CPSF3: variants seen among roughly 807,000 people sequenced by gnomAD.
CPSF3 encodes cleavage and polyadenylation specific factor 3, also known as cleavage and polyadenylation specificity factor subunit 3.
In CPSF3, 57 loss-of-function variants were observed where a neutral mutation model predicts 84.1. The observed-to-expected ratio is 0.68, with a 90% confidence interval of 0.55 to 0.85. The LOEUF is 0.85. Among genes scored for constraint, CPSF3 ranks in the 40% least tolerant of loss-of-function variants. The pLI, the probability that CPSF3 is intolerant of heterozygous loss-of-function variation, is 0.00. For synonymous variants in CPSF3, 275 were observed against 278.1 expected, an observed-to-expected ratio of 0.99 and a Z score of 0.11; for missense variants, 522 against 838.8, an observed-to-expected ratio of 0.62 and a Z score of 4.66.
At chr2:9,442,671 C>G (rs188429467) in intron 9 of CPSF3, among the ~76,000 whole-genome samples, 1 of 151,662 alleles carries the variant, frequency 6.6e-6, no homozygotes, top group African/African-American at 2.4e-5. Context: ...GCCAACATGG[C>G]GAAACCCCGT....
At chr2:9,425,061 AAAG>A (rs1446291806) in intron 1 of CPSF3, 1 of 152,358 alleles carries the variant, frequency 6.6e-6, no homozygotes, top group African/African-American at 2.4e-5. Flanking sequence ...ATTGAGGAAA[AAAG>A]GATACCTCGT....
intron 6 of CPSF3, among the ~76,000 whole-genome samples, 194 bp from the exon 7 acceptor site, chr2:9,436,017 G>A (rs903636208): frequency 6.6e-6 from 1 of 152,220 alleles, no homozygotes; most frequent in Non-Finnish European, 1.5e-5. Context: ...ACAGGTGTGA[G>A]CCACCACGCT....
intron 10 of CPSF3, 54 bp downstream of exon 10, chr2:9,443,715 G>A (rs1681030707): frequency 1.3e-6 from 2 of 1,589,028 alleles, no homozygotes; most frequent in African/African-American, 1.3e-5. Flanking sequence ...TGCATACCCA[G>A]GAAACTGTGC....
chr2:9,462,045 C>T (rs1681744001), intron 15 of CPSF3, among the ~76,000 whole-genome samples: 1 of 152,110 alleles, frequency 6.6e-6, no homozygotes, highest in Non-Finnish European at 1.5e-5. Flanking sequence ...CAGGCTTCAG[C>T]CACCGTGCCG....
chr2:9,468,419 C>A (rs915143294), intron 16 of CPSF3, among the ~76,000 whole-genome samples: 8 of 151,908 alleles, frequency 5.3e-5, no homozygotes, highest in African/African-American at 1.9e-4. Context: ...GAGACAGGGA[C>A]TTCCTATGTT....
rs1016974410 is a variant in CPSF3 at position 9,444,109 on chromosome 2, C to T, written c.1242+448C>T. Among the ~76,000 whole-genome samples the T allele has an allele frequency of 1.3e-5, 2 of 148,458 alleles. 1 individual carries two copies. Among genetic ancestry groups the T allele is most frequent in the African/African-American group, 4.9e-5 (2 of 40,544 alleles). Reference sequence around the variant, plus strand: ...CATATCTAAAGCACTTAATATGGTGCCTGGCACATAGTAAATGCTTAATAT... The same window carrying T: ...CATATCTAAAGCACTTAATATGGTGTCTGGCACATAGTAAATGCTTAATAT... On this transcript the variant is annotated intron_variant, in intron 10 of 17. Coordinates refer to ENST00000238112, the MANE Select transcript of CPSF3 (RefSeq NM_016207.4).
In CPSF3 at chr2:9,425,206, G is replaced by C. The variant is rs187159196; in HGVS notation, c.50+1383G>C. On this transcript the variant is annotated intron_variant, in intron 1 of 17. Transcript: ENST00000238112. ...TGAGAGTGGTCACAGCTTGTGGCCAGATTCCTCATGGCTGTAGCTAAAGAG... is the reference window on the plus strand; with the variant it reads ...TGAGAGTGGTCACAGCTTGTGGCCACATTCCTCATGGCTGTAGCTAAAGAG... Among the ~76,000 whole-genome samples the C allele has an allele frequency of 2.2e-3, 337 of 152,330 alleles. 2 individuals carry two copies. The highest frequency in any genetic ancestry group is 7.5e-3 in the African/African-American group (313 of 41,566).
At chr2:9,433,019 C>T (rs114217318) in intron 5 of CPSF3, among the ~76,000 whole-genome samples, 1,683 of 152,284 alleles carry the variant, frequency 0.011, 22 homozygotes, top group Middle Eastern at 0.017. Flanking sequence ...TGGCTGCATT[C>T]GTTTAAAATT....
intron 7 of CPSF3, 138 bp from the exon 8 acceptor site, chr2:9,440,353 A>T: frequency 1.3e-6 from 1 of 750,988 alleles, no homozygotes; most frequent in South Asian, 2.5e-5. Context: ...AATTTTGCTT[A>T]AACTCTTTAA....
intron 15 of CPSF3, among the ~76,000 whole-genome samples, chr2:9,466,923 G>A (rs567654942): frequency 5.3e-5 from 8 of 152,150 alleles, no homozygotes; most frequent in African/African-American, 9.7e-5. Flanking sequence ...TGGATACTTC[G>A]GTTGTTTCTA....
chr2:9,448,082 C>A (rs1030935679), intron 10 of CPSF3, 116 bp from the exon 11 acceptor site: 3 of 547,726 alleles, frequency 5.5e-6, no homozygotes, highest in Non-Finnish European at 8.9e-6. Flanking sequence ...TTCATAACTT[C>A]CAAGTATGTC....
At chr2:9,427,335 A>G (rs1442238019) in intron 1 of CPSF3, among the ~76,000 whole-genome samples, 1 of 152,138 alleles carries the variant, frequency 6.6e-6, no homozygotes, top group African/African-American at 2.4e-5. Flanking sequence ...AAGTTGAGGA[A>G]ATTTACAAAT....
chr2:9,441,244 CT>C (rs1183069684), intron 8 of CPSF3, among the ~76,000 whole-genome samples: 1 of 152,150 alleles, frequency 6.6e-6, no homozygotes, highest in African/African-American at 2.4e-5. Context: ...TACTGTTTAA[CT>C]CGATGCTTGA....
At chr2:9,446,138 G>A (rs1232536375) in intron 10 of CPSF3, among the ~76,000 whole-genome samples, 2 of 152,214 alleles carry the variant, frequency 1.3e-5, no homozygotes, top group Non-Finnish European at 2.9e-5. Flanking sequence ...CCAGCCACAA[G>A]CCATCTACCA....
At chr2:9,470,387 G>A (rs1572815884) in intron 16 of CPSF3, among the ~76,000 whole-genome samples, 2 of 152,154 alleles carry the variant, frequency 1.3e-5, no homozygotes, top group African/African-American at 4.8e-5. Context: ...ACTGTCCTAG[G>A]CTGACCATGG....
intron 10 of CPSF3, 44 bp downstream of exon 10, chr2:9,443,705 T>C (rs780048605): frequency 6.2e-7 from 1 of 1,601,092 alleles, no homozygotes; most frequent in African/African-American, 1.3e-5. Flanking sequence ...GGAAAAAAAG[T>C]GCATACCCAG....
chr2:9,449,101 G>A (rs542277450), intron 11 of CPSF3, among the ~76,000 whole-genome samples: 51 of 152,086 alleles, frequency 3.4e-4, no homozygotes, highest in Admixed American at 1.8e-3. Flanking sequence ...TTAATCGGCC[G>A]GACACGGTGG....
At chr2:9,429,027 G>C (rs1014337302) in intron 2 of CPSF3, among the ~76,000 whole-genome samples, 199 bp downstream of exon 2, 21 of 152,228 alleles carry the variant, frequency 1.4e-4, no homozygotes, top group African/African-American at 4.8e-4. Flanking sequence ...TATATTCTAT[G>C]ACTGTAAAAT....
intron 10 of CPSF3, among the ~76,000 whole-genome samples, chr2:9,445,354 A>C (rs1681095152): frequency 6.6e-6 from 1 of 152,088 alleles, no homozygotes; most frequent in African/African-American, 2.4e-5. Flanking sequence ...TTATCCATTC[A>C]CCTGTGGGTG....
Sources: allele counts gnomAD v4.1 joint callset (sites outside exome capture counted in the v4.1 genomes callset), GRCh38; gene constraint gnomAD v4.1.1; transcripts MANE v1.5; gene names NCBI Gene and HGNC (gene_info 2026-07-23, HGNC 2026-07-21).